TNFSF18: variants seen among roughly 807,000 people sequenced by gnomAD.
TNFSF18 encodes the protein tumor necrosis factor ligand superfamily member 18.
A neutral mutation model predicts 9.6 loss-of-function variants in TNFSF18; 6 were observed. That is an observed-to-expected ratio of 0.63 (90% confidence interval 0.34 to 1.24). TNFSF18 has a LOEUF of 1.24. TNFSF18 is among the 50% of genes most tolerant of loss of function. The pLI, the probability that TNFSF18 is intolerant of heterozygous loss-of-function variation, is 0.03. For missense variants in TNFSF18, 210 were observed against 201.0 expected (o/e 1.04, Z -0.27); for synonymous variants, 68 against 71.7 (o/e 0.95, Z 0.26).
intron 1 of TNFSF18, among the ~76,000 whole-genome samples, chr1:173,048,879 A>G (rs1485710263): frequency 1.3e-5 from 2 of 152,228 alleles, no homozygotes; most frequent in Non-Finnish European, 2.9e-5. Context: ...TTTGTGGCCA[A>G]TAGGGAAAGG....
chr1:173,046,766 T>C (rs2101927843), intron 1 of TNFSF18, among the ~76,000 whole-genome samples: 1 of 152,268 alleles, frequency 6.6e-6, no homozygotes, highest in Admixed American at 6.5e-5. Context: ...ATAATTAGCA[T>C]ACAAATGTTG....
chr1:173,043,449 A>C (rs1665023694), intron 2 of TNFSF18, among the ~76,000 whole-genome samples: 1 of 152,164 alleles, frequency 6.6e-6, no homozygotes. Flanking sequence ...AGGGAAAATG[A>C]CTCAGAAGCT....
chr1:173,044,260 C>CA (rs1324133742), intron 1 of TNFSF18, among the ~76,000 whole-genome samples: 1 of 151,666 alleles, frequency 6.6e-6, no homozygotes, highest in African/African-American at 2.4e-5. Context: ...ATCGGACCCC[C>CA]CCCCCAACCT....
At chr1:173,042,374 T>C (rs952698364) in intron 2 of TNFSF18, among the ~76,000 whole-genome samples, 2 of 152,110 alleles carry the variant, frequency 1.3e-5, no homozygotes, top group Non-Finnish European at 2.9e-5. Flanking sequence ...TGGTACCTGG[T>C]AGATGTTCCA....
In TNFSF18 at chr1:173,040,723, T is replaced by G. The variant is rs944642523; in HGVS notation, c.*644A>C. The G allele has an allele frequency of 3.3e-5, 5 of 152,158 alleles. No homozygotes were observed. Among genetic ancestry groups the G allele is most frequent in the African/African-American group, 9.7e-5 (4 of 41,432 alleles). The allele number at this position is 152,158 out of a possible 1,614,324, so 9.4% of individuals were successfully genotyped here. On this transcript the variant is annotated 3_prime_UTR_variant, in exon 3 of 3. Transcript: ENST00000404377. The stretch of plus-strand genomic sequence containing the variant: ...CAAAGCTCTACGTGAGGGTTCGGAA[T>G]GACTCCTTTGATAAGGCTTTTTAAA...
intron 1 of TNFSF18, among the ~76,000 whole-genome samples, chr1:173,044,627 C>A (rs975074): frequency 0.57 from 87,223 of 152,122 alleles, 25,609 homozygotes; most frequent in East Asian, 0.91. Context: ...GTAGTAAATT[C>A]AGGCATAACC....
intron 2 of TNFSF18, 131 bp downstream of exon 2, chr1:173,043,808 A>G (rs1241543009): frequency 1.1e-6 from 1 of 898,058 alleles, no homozygotes; most frequent in South Asian, 1.5e-5. Flanking sequence ...TGCCCAGTAC[A>G]TGATAAGTAA....
intron 1 of TNFSF18, among the ~76,000 whole-genome samples, chr1:173,044,423 T>A (rs1222768592): frequency 6.6e-6 from 1 of 152,154 alleles, no homozygotes; most frequent in African/African-American, 2.4e-5. Flanking sequence ...TATTTACAAC[T>A]CAGATTGATG....
rs1452289166 is a variant in TNFSF18 at position 173,050,854 on chromosome 1, T to C, written c.43A>G (p.Arg15Gly). ...HLENMPLSHS[R>G]TQGAQRSSWK... The stretch of plus-strand genomic sequence containing the variant: ...GATGATCTCTGAGCTCCTTGAGTTC[T>C]TGAATGGCTTAAAGGCATATTTTCC... The change falls in exon 1 of 3, where the codon AGA (arginine) becomes GGA (glycine). Residue 15 changes from arginine (R) to glycine (G), a missense_variant. Coordinates refer to ENST00000404377, the MANE Select transcript of TNFSF18 (RefSeq NM_005092.4). The C allele has an allele frequency of 1.9e-6, 3 of 1,613,736 alleles. 1 individual carries two copies. In the African/African-American group the frequency reaches 4.0e-5, roughly 22 times the overall value.
rs138816066 is a variant in TNFSF18, at chr1:173,041,973, G to C, written c.188-260C>G. On this transcript the variant is annotated intron_variant, in intron 2 of 2. Coordinates refer to ENST00000404377, the MANE Select transcript of TNFSF18 (RefSeq NM_005092.4). The stretch of plus-strand genomic sequence containing the variant: ...TTTGGAATAGAAAAATGACTTAAGT[G>C]ACTTCGCATCTCTTGTTGATTAATA... Among the ~76,000 whole-genome samples the C allele has an allele frequency of 5.2e-3, 784 of 152,220 alleles. 9 individuals carry two copies. The highest frequency in any genetic ancestry group is 0.013 in the African/African-American group (535 of 41,552).
chr1:173,044,264 C>CCG (rs1439299119), intron 1 of TNFSF18, among the ~76,000 whole-genome samples: 1 of 151,738 alleles, frequency 6.6e-6, no homozygotes, highest in African/African-American at 2.4e-5. Flanking sequence ...GACCCCCCCC[C>CCG]CAACCTTGGG....
chr1:173,039,725 T>TAC lies in TNFSF18; in HGVS notation c.*1640_*1641dup, dbSNP rs1300915137. Among the ~76,000 whole-genome samples the TAC allele has an allele frequency of 5.4e-5, 8 of 148,456 alleles. No individual in the cohort carries two copies. The East Asian group carries it at 5.9e-4, about 11-fold the overall frequency. Reference sequence around the variant, plus strand: ...AAGATTTTATAAGTATACATATATATACACACACACATATACACACACACA... The same window carrying TAC: ...AAGATTTTATAAGTATACATATATATACACACACACACATATACACACACACA... On this transcript the variant is annotated 3_prime_UTR_variant, in exon 3 of 3. Coordinates refer to ENST00000404377, the MANE Select transcript of TNFSF18 (RefSeq NM_005092.4).
chr1:173,050,814 A>G lies in TNFSF18; in HGVS notation c.83T>C (p.Leu28Pro), dbSNP rs1318115684. The change falls in exon 1 of 3, where the codon CTC becomes CCC. Residue 28 changes from leucine (L) to proline (P), a missense_variant. Leu to Pro is a moderately conservative substitution (Grantham distance 98). Coordinates refer to ENST00000404377, the MANE Select transcript of TNFSF18 (RefSeq NM_005092.4). ...TAGCAACATAACTATTGAGCAAAAG[A>G]GCCACAGCTTCCAGGATGATCTCTG... ...GAQRSSWKLW[L>P]FCSIVMLLFL... 1 of 1,613,610 alleles carries G rather than the reference A, an allele frequency of 6.2e-7. No homozygotes were observed.
At chr1:173,050,125 A>AT (rs1307270511) in intron 1 of TNFSF18, among the ~76,000 whole-genome samples, 4 of 152,200 alleles carry the variant, frequency 2.6e-5, no homozygotes, top group African/African-American at 9.7e-5. Context: ...ATGACATTTT[A>AT]TAGCTAGAAG....
intron 2 of TNFSF18, among the ~76,000 whole-genome samples, chr1:173,043,502 A>G (rs1665024986): frequency 6.6e-6 from 1 of 152,166 alleles, no homozygotes. Flanking sequence ...CCACTTTTCC[A>G]ACTCTCATTG....
At chr1:173,047,002 C>T (rs2101927972) in intron 1 of TNFSF18, among the ~76,000 whole-genome samples, 1 of 152,148 alleles carries the variant, frequency 6.6e-6, no homozygotes, top group Middle Eastern at 3.4e-3. Context: ...AACCAATTCT[C>T]CCACGTCAGC....
Position 173,041,217 on chromosome 1 carries a change from A to C in TNFSF18, c.*150T>G. 1 of 646,402 alleles carries C rather than the reference A, an allele frequency of 1.5e-6. No individual in the cohort carries two copies. The highest frequency in any genetic ancestry group is 2.6e-6 in the Non-Finnish European group (1 of 387,316). 40.0% of individuals were successfully genotyped at this position (646,402 alleles called of 1,614,324 possible). On this transcript the variant is annotated 3_prime_UTR_variant, in exon 3 of 3. Coordinates refer to ENST00000404377, the MANE Select transcript of TNFSF18 (RefSeq NM_005092.4). ...TCCCCTGAGTCTCTTTCAGATAGGC[A>C]TGATAGATGAAAATTCACGTGCAGA...
rs1489401093 is a variant in TNFSF18, at chr1:173,039,271, T to A, written c.*2096A>T. Among the ~76,000 whole-genome samples, 1 of 152,180 alleles carries A rather than the reference T, an allele frequency of 6.6e-6. No individual in the cohort carries two copies. Among genetic ancestry groups the A allele is most frequent in the Non-Finnish European group, 1.5e-5 (1 of 68,030 alleles). On this transcript the variant is annotated 3_prime_UTR_variant, in exon 3 of 3. Transcript: ENST00000404377. The stretch of plus-strand genomic sequence containing the variant: ...TATGTGGAGAAACAGGAAAACAGTA[T>A]ACATTGAAAACAAAAGCTAAAATTA...
chr1:173,044,728 T>C (rs867083173), intron 1 of TNFSF18, among the ~76,000 whole-genome samples: 51 of 152,348 alleles, frequency 3.3e-4, no homozygotes, highest in African/African-American at 1.2e-3. Flanking sequence ...TTGCACACTT[T>C]CCTTTTGTAG....
Sources: gnomAD v4.1 joint callset for allele counts (sites outside exome capture counted in the v4.1 genomes callset) on GRCh38, gnomAD v4.1.1 for gene constraint, MANE v1.5 for transcripts, NCBI Gene and HGNC (gene_info 2026-07-23, HGNC 2026-07-21) for gene names.